Variants in MALT1 observed in about 807,000 individuals in gnomAD.
MALT1 encodes the protein mucosa-associated lymphoid tissue lymphoma translocation protein 1.
Under a neutral mutation model 85.5 loss-of-function variants are expected in MALT1, and 36 were observed. The observed-to-expected ratio is 0.42, with a 90% confidence interval of 0.32 to 0.56. The LOEUF (loss-of-function observed/expected upper bound fraction) is 0.56, where lower values mean the gene tolerates loss of function less well. Among genes scored for constraint, MALT1 ranks in the 20% least tolerant of loss-of-function variants. The pLI is 0.10. For synonymous variants in MALT1, 359 were observed against 361.3 expected (o/e 0.99, Z 0.07); for missense variants, 716 against 981.6 (o/e 0.73, Z 3.62).
chr18:58,676,078 G>A (rs1201383816), intron 1 of MALT1, among the ~76,000 whole-genome samples: 4 of 152,080 alleles, frequency 2.6e-5, no homozygotes, highest in Non-Finnish European at 5.9e-5. Context: ...CTGCTGGCAC[G>A]CTGGGCCAAG....
intron 13 of MALT1, among the ~76,000 whole-genome samples, chr18:58,738,789 CTGTG>C (rs35316552): frequency 3.4e-4 from 43 of 125,218 alleles, no homozygotes; most frequent in Middle Eastern, 3.8e-3. Context: ...GTGCATTCTT[CTGTG>C]TGTGTGTGTG....
Position 58,748,059 on chromosome 18 carries a change from C to T in MALT1, c.*217C>T. On this transcript the variant is annotated 3_prime_UTR_variant, in exon 17 of 17. Transcript: ENST00000649217. ...GATTTTGTGAATTGGTTGAATAGTTCTATACAAATGAAGTATGGAGGTGTG... is the reference window on the plus strand; with the variant it reads ...GATTTTGTGAATTGGTTGAATAGTTTTATACAAATGAAGTATGGAGGTGTG... 2 of 537,258 alleles carry T rather than the reference C, an allele frequency of 3.7e-6. No homozygotes were observed. Among genetic ancestry groups the T allele is most frequent in the Non-Finnish European group, 6.7e-6 (2 of 300,158 alleles). 33.3% of individuals were successfully genotyped at this position (537,258 alleles called of 1,614,324 possible).
chr18:58,734,075 C>T (rs2055191488), intron 11 of MALT1: 2 of 1,325,358 alleles, frequency 1.5e-6, no homozygotes, highest in Non-Finnish European at 1.9e-6. Flanking sequence ...TCAGCATTTA[C>T]CAATCAAAAT....
At chr18:58,744,966 A>G (rs62093492) in intron 15 of MALT1, among the ~76,000 whole-genome samples, 15,607 of 152,176 alleles carry the variant, frequency 0.1, 1,055 homozygotes, top group Admixed American at 0.16. Context: ...TCTTTCCTAC[A>G]TGAGTGTGAC....
At chr18:58,739,132 T>C (rs1255358247) in intron 13 of MALT1, among the ~76,000 whole-genome samples, 1 of 152,190 alleles carries the variant, frequency 6.6e-6, no homozygotes, top group Non-Finnish European at 1.5e-5. Context: ...GTGAGTTAAA[T>C]TTATAGATAG....
rs2055432593 is a variant in MALT1, at chr18:58,750,508, T to A, written c.*2666T>A. Reference sequence around the variant, plus strand: ...TTCAAAAAGTGCTACCAAGCTACAATAAGACAGTGTAGGCATATGGATAGA... The same window carrying A: ...TTCAAAAAGTGCTACCAAGCTACAAAAAGACAGTGTAGGCATATGGATAGA... On this transcript the variant is annotated 3_prime_UTR_variant, in exon 17 of 17. Coordinates refer to ENST00000649217, the MANE Select transcript of MALT1 (RefSeq NM_006785.4). 6.6e-6 allele frequency: 1 copy of A among 152,212 alleles called. No homozygotes were observed. Among genetic ancestry groups the A allele is most frequent in the Non-Finnish European group, 1.5e-5 (1 of 68,042 alleles). The allele number at this position is 152,212 out of a possible 1,614,324, so 9.4% of individuals were successfully genotyped here. A position where few individuals can be genotyped will look rare whatever the true frequency, so the allele number is the denominator to read the frequency against.
At position 58,751,241 on chromosome 18, in the gene MALT1, G is replaced by C. The variant is rs1386637278; in HGVS notation, c.*3399G>C. ...GAAGGCGGATCACTTGAGCCCAGGA[G>C]TTCAAGACCAGCTTGACCAAGATGG... On this transcript the variant is annotated 3_prime_UTR_variant, in exon 17 of 17. Transcript: ENST00000649217. 6.6e-6 allele frequency: 1 copy of C among 152,296 alleles called. No homozygotes were observed. The highest frequency in any genetic ancestry group is 1.5e-5 in the Non-Finnish European group (1 of 68,108). The allele number at this position is 152,296 out of a possible 1,614,324, so 9.4% of individuals were successfully genotyped here. A position where few individuals can be genotyped will look rare whatever the true frequency, so the allele number is the denominator to read the frequency against.
At chr18:58,687,566 G>T (rs1318458205) in intron 2 of MALT1, among the ~76,000 whole-genome samples, 1 of 152,204 alleles carries the variant, frequency 6.6e-6, no homozygotes, top group Admixed American at 6.5e-5. Context: ...TAGCATAGAA[G>T]ATTGCAGAGT....
intron 1 of MALT1, among the ~76,000 whole-genome samples, chr18:58,678,825 G>A (rs1341636790): frequency 6.6e-6 from 1 of 152,242 alleles, no homozygotes; most frequent in Non-Finnish European, 1.5e-5. Flanking sequence ...AGTGCAGTTA[G>A]GAGACTGTGT....
chr18:58,746,868 C>T (rs2055374814), intron 16 of MALT1, among the ~76,000 whole-genome samples: 2 of 152,064 alleles, frequency 1.3e-5, no homozygotes, highest in African/African-American at 4.8e-5. Flanking sequence ...GCCAGGACTA[C>T]AGGCGCACAC....
chr18:58,735,699 G>T (rs1218448650), intron 13 of MALT1, among the ~76,000 whole-genome samples: 2 of 152,012 alleles, frequency 1.3e-5, no homozygotes, highest in Non-Finnish European at 2.9e-5. Flanking sequence ...AGGGGTGGTG[G>T]GGAATTGTCC....
chr18:58,672,958 TA>T (rs1380432792), intron 1 of MALT1: 1 of 152,238 alleles, frequency 6.6e-6, no homozygotes, highest in Non-Finnish European at 1.5e-5. Context: ...GGAACTGCAC[TA>T]GGGGTTCCCA....
intron 2 of MALT1, among the ~76,000 whole-genome samples, chr18:58,685,080 A>G (rs560745447): frequency 2.6e-5 from 4 of 152,172 alleles, no homozygotes; most frequent in Non-Finnish European, 5.9e-5. Flanking sequence ...ATATATATAT[A>G]GTAAGTTTAT....
At chr18:58,715,836 C>T in intron 8 of MALT1, 99 bp from the exon 9 acceptor site, 1 of 805,946 alleles carries the variant, frequency 1.2e-6, no homozygotes, top group South Asian at 1.5e-5. Flanking sequence ...AAACTATATT[C>T]TGTAAGTGAT....
In MALT1 at chr18:58,671,534, T is replaced by A; in HGVS notation, c.-110T>A. 1 of 657,712 alleles carries A rather than the reference T, an allele frequency of 1.5e-6. No individual in the cohort carries two copies. 40.7% of individuals were successfully genotyped at this position (657,712 alleles called of 1,614,324 possible). A position where few individuals can be genotyped will look rare whatever the true frequency, so the allele number is the denominator to read the frequency against. ...GGCCGTGCCGCGCTGCCAGATTTGT[T>A]CTTCCGCCCCTGCCTCCGCGGCTCG... On this transcript the variant is annotated 5_prime_UTR_variant, in exon 1 of 17. Transcript: ENST00000649217.
intron 9 of MALT1, among the ~76,000 whole-genome samples, chr18:58,717,053 G>A (rs972467691): frequency 6.6e-6 from 1 of 152,144 alleles, no homozygotes; most frequent in South Asian, 2.1e-4. Context: ...ATTAGGCGTA[G>A]TAATATGCTT....
intron 7 of MALT1, among the ~76,000 whole-genome samples, 179 bp from the exon 8 acceptor site, chr18:58,713,904 A>G (rs1165312882): frequency 1.3e-5 from 2 of 152,208 alleles, no homozygotes; most frequent in African/African-American, 4.8e-5. Flanking sequence ...AAGCACAGCA[A>G]TATTCACTAT....
chr18:58,723,304 T>C (rs2055009814), intron 10 of MALT1, 53 bp downstream of exon 10: 1 of 1,390,340 alleles, frequency 7.2e-7, no homozygotes, highest in South Asian at 1.2e-5. Flanking sequence ...CTTTTCATTA[T>C]ACAAGTTAGG....
At chr18:58,710,160 A>G in intron 6 of MALT1, 88 bp downstream of exon 6, 1 of 735,584 alleles carries the variant, frequency 1.4e-6, no homozygotes, top group Non-Finnish European at 2.3e-6. Context: ...AGGAAATTAT[A>G]CTTTTTACCC....
Sources: gnomAD v4.1 joint callset for allele counts (sites outside exome capture counted in the v4.1 genomes callset) on GRCh38, gnomAD v4.1.1 for gene constraint, MANE v1.5 for transcripts, NCBI Gene and HGNC (gene_info 2026-07-23, HGNC 2026-07-21) for gene names.